Variants in TRPM7 observed in about 807,000 individuals in gnomAD.
The protein encoded by TRPM7 is LTRPC ion channel family member 7.
A neutral mutation model predicts 229.7 loss-of-function variants in TRPM7; 134 were observed. That is an observed-to-expected ratio of 0.58 (90% CI 0.51 to 0.67). The LOEUF is 0.67. TRPM7 is among the 30% of genes least tolerant of loss of function. The probability of loss-of-function intolerance (pLI) is 0.00; values close to 1 mark genes in which losing one functional copy is unlikely to be tolerated. For missense variants in TRPM7, 1,901 were observed against 2,210.0 expected, an observed-to-expected ratio of 0.86 and a Z score of 2.80; for synonymous variants, 699 against 715.2, an observed-to-expected ratio of 0.98 and a Z score of 0.36.
In TRPM7 at chr15:50,600,109, G is replaced by A. The variant is rs930234958; in HGVS notation, c.2989-813C>T. 8.5e-5 allele frequency among the ~76,000 whole-genome samples: 13 copies of A among 152,272 alleles called. 1 individual carries two copies. The highest frequency in any genetic ancestry group is 3.1e-4 in the African/African-American group (13 of 41,560). On this transcript the variant is annotated intron_variant, in intron 21 of 38. Coordinates refer to ENST00000646667, the MANE Select transcript of TRPM7 (RefSeq NM_017672.6). The stretch of plus-strand genomic sequence containing the variant: ...TTTAGGTATATAAGTTCTCCAGCCT[G>A]CACTACTTACTGTCTAGCCTAGACA...
intron 12 of TRPM7, among the ~76,000 whole-genome samples, chr15:50,623,326 C>A (rs1208661169): frequency 6.6e-6 from 1 of 151,618 alleles, no homozygotes; most frequent in African/African-American, 2.4e-5. Flanking sequence ...GCAGGAGAAT[C>A]ACTTGAACCA....
intron 21 of TRPM7, chr15:50,603,977 G>C (rs191124685): frequency 2.0e-5 from 3 of 152,286 alleles, no homozygotes; most frequent in Non-Finnish European, 2.9e-5. Flanking sequence ...GAATGTCTCT[G>C]AATAGTGATT....
chr15:50,629,153 A>T (rs894173604), intron 10 of TRPM7, among the ~76,000 whole-genome samples: 8 of 151,112 alleles, frequency 5.3e-5, no homozygotes, highest in Non-Finnish European at 1.2e-4. Flanking sequence ...TGCTAGGTAC[A>T]AGGATATATA....
chr15:50,586,668 C>T (rs1282120347), intron 27 of TRPM7, 180 bp from the exon 28 acceptor site: 8 of 464,344 alleles, frequency 1.7e-5, no homozygotes, highest in South Asian at 3.4e-5. Context: ...AAAAGCTGCA[C>T]CAAAACACCT....
intron 1 of TRPM7, among the ~76,000 whole-genome samples, chr15:50,669,279 C>T (rs1216891256): frequency 6.7e-6 from 1 of 148,512 alleles, no homozygotes; most frequent in East Asian, 1.9e-4. Flanking sequence ...ACTAAAAATA[C>T]AAAAAATTAG....
At chr15:50,664,215 T>TTGAACCAGGGAG (rs2061818345) in intron 1 of TRPM7, among the ~76,000 whole-genome samples, 1 of 149,986 alleles carries the variant, frequency 6.7e-6, no homozygotes, top group South Asian at 2.1e-4. Context: ...GGAGAATCGC[T>TTGAACCAGGGAG]TGAACCAGGG....
At chr15:50,570,677 T>TAAA (rs149970874) in intron 36 of TRPM7, among the ~76,000 whole-genome samples, 10 of 91,722 alleles carry the variant, frequency 1.1e-4, no homozygotes, top group African/African-American at 3.9e-4. Context: ...ACTTCATTCC[T>TAAA]AAAAAAAAAA....
chr15:50,609,472 T>A, intron 19 of TRPM7, 109 bp downstream of exon 19: 1 of 1,051,776 alleles, frequency 9.5e-7, no homozygotes, highest in Admixed American at 3.3e-5. Flanking sequence ...AAATGTGAAA[T>A]GCCTTTTCAG....
intron 1 of TRPM7, among the ~76,000 whole-genome samples, chr15:50,677,470 G>A (rs1013965226): frequency 1.3e-5 from 2 of 152,050 alleles, no homozygotes; most frequent in African/African-American, 4.8e-5. Context: ...GCTGGGCGTG[G>A]TGGCTCACAC....
intron 12 of TRPM7, among the ~76,000 whole-genome samples, chr15:50,622,716 T>C (rs910345324): frequency 1.3e-4 from 19 of 151,642 alleles, no homozygotes; most frequent in Admixed American, 2.6e-4. Context: ...CGAAACCCCA[T>C]CTCCACTAAA....
chr15:50,644,218 T>C (rs188721090), intron 4 of TRPM7, among the ~76,000 whole-genome samples: 61 of 152,268 alleles, frequency 4.0e-4, no homozygotes, highest in African/African-American at 1.4e-3. Flanking sequence ...CATCTTTCTA[T>C]AGAAAAATAG....
At chr15:50,590,306 C>A (rs1052060293) in intron 26 of TRPM7, among the ~76,000 whole-genome samples, 5 of 151,858 alleles carry the variant, frequency 3.3e-5, no homozygotes, top group Admixed American at 1.3e-4. Flanking sequence ...TACATATATA[C>A]GGATAATCAC....
At chr15:50,627,492 G>C (rs1040898915) in intron 11 of TRPM7, among the ~76,000 whole-genome samples, 4 of 152,154 alleles carry the variant, frequency 2.6e-5, no homozygotes, top group African/African-American at 2.4e-5. Flanking sequence ...AGAAGAGCAA[G>C]AACGTCAACA....
intron 36 of TRPM7, among the ~76,000 whole-genome samples, chr15:50,572,604 G>A (rs1351982606): frequency 6.6e-6 from 1 of 152,148 alleles, no homozygotes; most frequent in African/African-American, 2.4e-5. Context: ...CAGTAGTCTG[G>A]AACTGAGCCT....
intron 5 of TRPM7, among the ~76,000 whole-genome samples, chr15:50,639,917 A>G (rs1336028224): frequency 8.9e-6 from 1 of 112,056 alleles, no homozygotes; most frequent in Admixed American, 1.3e-4. Context: ...ACAAGGTCAT[A>G]ACAAACTTAA....
At position 50,583,692 on chromosome 15, in the gene TRPM7, T is replaced by A. The variant is rs113535902; in HGVS notation, c.4487-533A>T. Among the ~76,000 whole-genome samples the A allele has an allele frequency of 1.2e-3, 184 of 151,606 alleles. 1 individual carries two copies. The highest frequency in any genetic ancestry group is 4.1e-3 in the African/African-American group (168 of 41,222). The stretch of plus-strand genomic sequence containing the variant: ...CCTGAGTTCAAGCGATTCTCCTGCC[T>A]CAGCCTCCCTAGTAGCTGGCATTAC... On this transcript the variant is annotated intron_variant, in intron 28 of 38. Transcript: ENST00000646667.
intron 4 of TRPM7, among the ~76,000 whole-genome samples, chr15:50,646,343 A>G (rs1454915952): frequency 6.6e-6 from 1 of 152,032 alleles, no homozygotes; most frequent in Non-Finnish European, 1.5e-5. Flanking sequence ...CTTTGGTGAC[A>G]TGGTCCAAGG....
At chr15:50,585,351 C>T (rs2054648476) in intron 28 of TRPM7, among the ~76,000 whole-genome samples, 1 of 152,216 alleles carries the variant, frequency 6.6e-6, no homozygotes, top group Non-Finnish European at 1.5e-5. Flanking sequence ...GCGTAAGCCA[C>T]CTGGCCCACT....
At chr15:50,609,220 T>C (rs1386925041) in intron 19 of TRPM7, among the ~76,000 whole-genome samples, 1 of 152,228 alleles carries the variant, frequency 6.6e-6, no homozygotes, top group Non-Finnish European at 1.5e-5. Context: ...TAGACTTTTA[T>C]GTATCATCTG....
Sources: gnomAD v4.1 joint callset for allele counts (sites outside exome capture counted in the v4.1 genomes callset) on GRCh38, gnomAD v4.1.1 for gene constraint, MANE v1.5 for transcripts, NCBI Gene and HGNC (gene_info 2026-07-23, HGNC 2026-07-21) for gene names.